The following UBAP2 variants were observed in gnomAD, a reference collection of about 807,000 sequenced individuals.
UBAP2 encodes the protein ubiquitin associated protein 2.
In UBAP2, 75 loss-of-function variants were observed where a neutral mutation model predicts 139.6. The observed-to-expected ratio is 0.54, with a 90% CI of 0.45 to 0.65. The LOEUF (loss-of-function observed/expected upper bound fraction) is 0.65. Ranked by LOEUF, UBAP2 falls within the 30% of genes least tolerant of loss-of-function variation. The pLI is 0.00. For missense variants in UBAP2, 1,368 were observed against 1,369.6 expected (o/e 1.00, Z 0.02); for synonymous variants, 526 against 526.2 (o/e 1.00, Z 0.01).
intron 1 of UBAP2, among the ~76,000 whole-genome samples, chr9:34,018,335 G>A (rs1032990986): frequency 3.4e-5 from 5 of 148,038 alleles, no homozygotes; most frequent in Non-Finnish European, 7.4e-5. Flanking sequence ...TTGTTTTTTT[G>A]TTTAATTTTA....
chr9:33,953,536 G>GTA, intron 11 of UBAP2, 62 bp from the exon 12 acceptor site: 1 of 1,501,114 alleles, frequency 6.7e-7, no homozygotes, highest in Non-Finnish European at 9.1e-7. Flanking sequence ...AAATGAATGT[G>GTA]AGAAGTCAAT....
chr9:33,936,059 AT>A (rs937975475), intron 16 of UBAP2, among the ~76,000 whole-genome samples, 181 bp from the exon 17 acceptor site: 1 of 151,994 alleles, frequency 6.6e-6, no homozygotes, highest in Non-Finnish European at 1.5e-5. Context: ...GTTCAAAAAA[AT>A]TTTTTTTCAC....
At chr9:33,987,161 A>G (rs960909209) in intron 5 of UBAP2, among the ~76,000 whole-genome samples, 14 of 152,092 alleles carry the variant, frequency 9.2e-5, no homozygotes, top group African/African-American at 3.4e-4. Context: ...CTATAATTCC[A>G]GCACTTTGGG....
intron 19 of UBAP2, among the ~76,000 whole-genome samples, chr9:33,931,944 T>C (rs542075830): frequency 6.6e-6 from 1 of 152,174 alleles, no homozygotes; most frequent in African/African-American, 2.4e-5. Context: ...TAAGTTTTCA[T>C]TGCATGCCCT....
chr9:33,987,141 T>G (rs1821288545), intron 5 of UBAP2, among the ~76,000 whole-genome samples: 1 of 152,060 alleles, frequency 6.6e-6, no homozygotes, highest in Admixed American at 6.6e-5. Context: ...CCAGGCACAG[T>G]GGCTCACACC....
Position 34,025,735 on chromosome 9 carries a change from T to G in UBAP2, c.-41-8546A>C, listed in dbSNP as rs1303557957. Among the ~76,000 whole-genome samples, 8 of 152,314 alleles carry G rather than the reference T, an allele frequency of 5.3e-5. No homozygotes were observed. The East Asian group carries it at 1.4e-3, about 26-fold the overall frequency. ...AAAGTTTTAACTGCCTAAAAAGTTTTGTTTCCGTTTTTGTTTTCTTTTTCA... is the reference window on the plus strand; with the variant it reads ...AAAGTTTTAACTGCCTAAAAAGTTTGGTTTCCGTTTTTGTTTTCTTTTTCA... On this transcript the variant is annotated intron_variant, in intron 1 of 28. Transcript: ENST00000379238.
chr9:33,996,485 A>C, intron 3 of UBAP2, 152 bp from the exon 4 acceptor site: 1 of 570,852 alleles, frequency 1.8e-6, no homozygotes, highest in East Asian at 3.0e-5. Context: ...ATGTTTACTT[A>C]TTTTTTTGTG....
chr9:33,937,799 G>A (rs1054280290), intron 16 of UBAP2, among the ~76,000 whole-genome samples: 3 of 151,186 alleles, frequency 2.0e-5, no homozygotes, highest in African/African-American at 7.3e-5. Context: ...GTGGGCGGCT[G>A]TAATCCCAGC....
At chr9:33,934,966 G>C (rs542474436) in intron 17 of UBAP2, among the ~76,000 whole-genome samples, 7 of 152,028 alleles carry the variant, frequency 4.6e-5, no homozygotes, top group African/African-American at 1.7e-4. Context: ...GGCTCACCTC[G>C]GTCTGCTTAA....
chr9:34,026,198 A>G (rs1587681723), intron 1 of UBAP2, among the ~76,000 whole-genome samples: 1 of 152,224 alleles, frequency 6.6e-6, no homozygotes, highest in South Asian at 2.1e-4. Context: ...ATTTAATAAA[A>G]GTTTGAACAG....
chr9:33,997,973 T>C (rs1045857042), intron 3 of UBAP2: 6 of 152,192 alleles, frequency 3.9e-5, no homozygotes, highest in Non-Finnish European at 7.3e-5. Flanking sequence ...TCTAGGATCT[T>C]GATGAGAAAG....
At chr9:34,039,847 TAAAAA>T (rs74180526) in intron 1 of UBAP2, among the ~76,000 whole-genome samples, 157 of 84,416 alleles carry the variant, frequency 1.9e-3, no homozygotes, top group South Asian at 4.2e-3. Flanking sequence ...CAATAAATAC[TAAAAA>T]AAAAAAAAAA....
At chr9:33,943,148 G>A (rs1223266937) in intron 15 of UBAP2, among the ~76,000 whole-genome samples, 20 of 152,168 alleles carry the variant, frequency 1.3e-4, no homozygotes, top group Admixed American at 1.3e-3. Flanking sequence ...CTTACACTAA[G>A]TGAAAGATCA....
chr9:33,925,423 G>A (rs1306115364), intron 22 of UBAP2, among the ~76,000 whole-genome samples: 1 of 152,172 alleles, frequency 6.6e-6, no homozygotes, highest in Non-Finnish European at 1.5e-5. Flanking sequence ...AACAACCCGA[G>A]GGATAGAAAG....
At chr9:33,961,924 T>C (rs1012470099) in intron 9 of UBAP2, among the ~76,000 whole-genome samples, 11 of 152,220 alleles carry the variant, frequency 7.2e-5, no homozygotes, top group Non-Finnish European at 1.0e-4. Flanking sequence ...AGGATGTACC[T>C]GATTTCAGAT....
chr9:34,007,637 GTTTT>G (rs1053529343), intron 2 of UBAP2, among the ~76,000 whole-genome samples: 1 of 137,958 alleles, frequency 7.2e-6, no homozygotes, highest in African/African-American at 2.5e-5. Context: ...GTCCTTGTAT[GTTTT>G]ATTTTTATTT....
chr9:34,013,217 C>G (rs1823924490), intron 2 of UBAP2, among the ~76,000 whole-genome samples: 1 of 148,980 alleles, frequency 6.7e-6, no homozygotes, highest in Admixed American at 6.7e-5. Context: ...TTACTAAGTG[C>G]TAGACCCAGG....
intron 10 of UBAP2, among the ~76,000 whole-genome samples, chr9:33,958,610 G>T (rs930112115): frequency 6.7e-6 from 1 of 150,362 alleles, no homozygotes; most frequent in Non-Finnish European, 1.5e-5. Context: ...GTTTCACCAC[G>T]TTGGCCAGGC....
At position 33,977,907 on chromosome 9, in the gene UBAP2, C is replaced by T. The variant is rs192096034; in HGVS notation, c.521-4670G>A. ...CTCAATCTCTGTAGTCCCAGCTTCT[C>T]GGGAGGCTGAGGCAGGAGAATCCCT... On this transcript the variant is annotated intron_variant, in intron 6 of 28. Transcript: ENST00000379238. Among the ~76,000 whole-genome samples the T allele has an allele frequency of 5.2e-4, 77 of 148,862 alleles. 1 individual carries two copies. The highest frequency in any genetic ancestry group is 2.9e-3 in the East Asian group (14 of 4,852).
Sources: allele counts gnomAD v4.1 joint callset (sites outside exome capture counted in the v4.1 genomes callset), GRCh38; gene constraint gnomAD v4.1.1; transcripts MANE v1.5; gene names NCBI Gene and HGNC (gene_info 2026-07-23, HGNC 2026-07-21).